Variants in SENP5 observed in about 807,000 individuals in gnomAD.
The protein encoded by SENP5 is sentrin-specific protease 5.
SENP5 carries 21 observed loss-of-function variants against 74.2 expected under a neutral mutation model. The observed-to-expected ratio is 0.28, with a 90% CI of 0.20 to 0.41. SENP5 has a LOEUF of 0.41. SENP5 is among the 10% of genes least tolerant of loss of function. The pLI, the probability that SENP5 is intolerant of heterozygous loss-of-function variation, is 1.00. For synonymous variants in SENP5, 311 were observed against 312.7 expected (o/e 0.99, Z 0.06); for missense variants, 717 against 889.1 (o/e 0.81, Z 2.46).
intron 2 of SENP5, among the ~76,000 whole-genome samples, chr3:196,893,458 CAGT>C (rs892573964): frequency 1.3e-5 from 2 of 152,154 alleles, no homozygotes; most frequent in African/African-American, 4.8e-5. Context: ...CCAAGGGAAA[CAGT>C]AGAACTAGGA....
At chr3:196,876,939 C>T (rs948125392) in intron 1 of SENP5, among the ~76,000 whole-genome samples, 3 of 151,978 alleles carry the variant, frequency 2.0e-5, no homozygotes, top group African/African-American at 4.8e-5. Flanking sequence ...AGTTATTTAC[C>T]GTATATACTT....
In SENP5 at chr3:196,885,498, C is replaced by T. The variant is rs1256155369; in HGVS notation, c.317C>T (p.Ser106Phe). ...VKRKDAKHFI[S>F]SSKTLLRLQA... ...AGAAAGGACGCTAAACACTTCATTT[C>T]CTCCTCAAAGACTCTCCTGAGACTC... Residue 106 changes from serine (S) to phenylalanine (F), a missense_variant, in exon 2 of 10, where the codon TCC becomes TTC. Ser to Phe is a radical substitution (Grantham distance 155, BLOSUM62 -2). Coordinates refer to ENST00000323460, the MANE Select transcript of SENP5 (RefSeq NM_152699.5). The T allele has an allele frequency of 6.2e-7, 1 of 1,614,080 alleles. No homozygotes were observed. Among genetic ancestry groups the T allele is most frequent in the Non-Finnish European group, 8.5e-7 (1 of 1,180,014 alleles).
intron 1 of SENP5, among the ~76,000 whole-genome samples, chr3:196,879,876 C>T (rs146718441): frequency 2.0e-5 from 3 of 152,044 alleles, no homozygotes; most frequent in East Asian, 1.9e-4. Context: ...TCAAATTTAC[C>T]GAAAAAAATT....
intron 6 of SENP5, among the ~76,000 whole-genome samples, chr3:196,910,883 C>A (rs939011563): frequency 1.3e-5 from 2 of 152,080 alleles, no homozygotes; most frequent in African/African-American, 4.8e-5. Flanking sequence ...GCATATAGAC[C>A]AATGGAACAG....
chr3:196,889,868 G>T (rs1281936596), intron 2 of SENP5, among the ~76,000 whole-genome samples: 1 of 152,156 alleles, frequency 6.6e-6, no homozygotes, highest in Non-Finnish European at 1.5e-5. Context: ...TGGTGGAAGT[G>T]GAGAGGAAAG....
chr3:196,909,659 A>G (rs899550112), intron 6 of SENP5, among the ~76,000 whole-genome samples: 1 of 152,206 alleles, frequency 6.6e-6, no homozygotes, highest in African/African-American at 2.4e-5. Flanking sequence ...AGTGACGAAA[A>G]CCACATGATT....
Position 196,885,493 on chromosome 3 carries a change from C to A in SENP5, c.312C>A (p.Phe104Leu). 1 of 1,614,162 alleles carries A rather than the reference C, an allele frequency of 6.2e-7. No individual in the cohort carries two copies. ...SKVKRKDAKH[F>L]ISSSKTLLRL... ...TGAAAAGAAAGGACGCTAAACACTT[C>A]ATTTCCTCCTCAAAGACTCTCCTGA... Residue 104 changes from phenylalanine to leucine, a missense_variant, in exon 2 of 10, where the codon TTC (phenylalanine) becomes TTA (leucine). Physicochemically the swap from Phe to Leu is conservative, Grantham distance 22 (BLOSUM62 0). Around this residue, in one of 4 missense-constraint regions of SENP5, gnomAD observed 567 missense variants for 577.4 expected, o/e 0.98. Transcript: ENST00000323460.
chr3:196,904,399 C>A (rs1714818433), intron 6 of SENP5, among the ~76,000 whole-genome samples: 1 of 152,194 alleles, frequency 6.6e-6, no homozygotes, highest in Non-Finnish European at 1.5e-5. Context: ...TGGAGTATTA[C>A]ACACATGAGA....
chr3:196,924,583 A>G (rs891905936), intron 7 of SENP5, among the ~76,000 whole-genome samples: 9 of 149,300 alleles, frequency 6.0e-5, no homozygotes, highest in South Asian at 4.2e-4. Context: ...TCAAGTGTCT[A>G]TGTAAGTGTA....
intron 6 of SENP5, chr3:196,914,582 AAAAAATATAT>A (rs1259121396): frequency 3.0e-5 from 2 of 65,926 alleles, no homozygotes; most frequent in African/African-American, 1.4e-4. Flanking sequence ...AAAAAAAAAA[AAAAAATATAT>A]ATATATATAT....
intron 3 of SENP5, 64 bp downstream of exon 3, chr3:196,899,835 C>T (rs899307307): frequency 1.3e-6 from 2 of 1,568,230 alleles, no homozygotes; most frequent in Non-Finnish European, 8.7e-7. Flanking sequence ...TGACTTTTCT[C>T]TTGATTTACA....
intron 1 of SENP5, among the ~76,000 whole-genome samples, chr3:196,870,666 C>T (rs1713174832): frequency 6.6e-6 from 1 of 151,806 alleles, no homozygotes; most frequent in Admixed American, 6.6e-5. Context: ...TACAAGCGCC[C>T]ACCACCACGC....
intron 5 of SENP5, among the ~76,000 whole-genome samples, chr3:196,902,655 GT>G (rs1714744296): frequency 6.6e-6 from 1 of 152,188 alleles, no homozygotes; most frequent in African/African-American, 2.4e-5. Flanking sequence ...TAAGGGAACA[GT>G]TTTATCACCT....
chr3:196,869,218 G>T lies in SENP5; in HGVS notation c.-32+1145G>T, dbSNP rs186683756. Among the ~76,000 whole-genome samples, 349 of 151,772 alleles carry T rather than the reference G, an allele frequency of 2.3e-3. 2 individuals are homozygous for T. Among genetic ancestry groups the T allele is most frequent in the Non-Finnish European group, 3.1e-3 (210 of 67,876 alleles). On this transcript the variant is annotated intron_variant, in intron 1 of 9. Transcript: ENST00000323460. The stretch of plus-strand genomic sequence containing the variant: ...TGGGCTCACAATTTTTTTTTGGAGG[G>T]GGGACAGGGTCTCACTCTGACACCC...
chr3:196,927,964 C>T, intron 8 of SENP5, 85 bp downstream of exon 8: 2 of 799,152 alleles, frequency 2.5e-6, no homozygotes, highest in South Asian at 1.6e-5. Flanking sequence ...CATTTGAAGA[C>T]TAGTGACAGA....
intron 6 of SENP5, among the ~76,000 whole-genome samples, chr3:196,915,899 C>T (rs1715349148): frequency 6.6e-6 from 1 of 152,180 alleles, no homozygotes. Flanking sequence ...TAGATTACAA[C>T]ACTCAATTTC....
At position 196,924,620 on chromosome 3, in the gene SENP5, G is replaced by A. The variant is rs1334603361; in HGVS notation, c.2022+1069G>A. 5.9e-5 allele frequency among the ~76,000 whole-genome samples: 3 copies of A among 50,838 alleles called. No individual in the cohort carries two copies. In the African/African-American group the frequency reaches 7.6e-4, roughly 13 times the overall value. The allele number at this position is 50,838 out of a possible 152,430, so 33.4% of individuals were successfully genotyped here. A position where few individuals can be genotyped will look rare whatever the true frequency, so the allele number is the denominator to read the frequency against. ...GGAAATAGGCATTCTCATATTTTCT[G>A]GTTAGAGTGTATAAATTGATACAGC... is the stretch of plus-strand genomic sequence containing the variant. On this transcript the variant is annotated intron_variant, in intron 7 of 9. Coordinates refer to ENST00000323460, the MANE Select transcript of SENP5 (RefSeq NM_152699.5).
chr3:196,887,204 G>A (rs1714009694), intron 2 of SENP5, among the ~76,000 whole-genome samples: 1 of 140,846 alleles, frequency 7.1e-6, no homozygotes, highest in Non-Finnish European at 1.6e-5. Context: ...TTTTTGAGAT[G>A]GAGTCTTACT....
At chr3:196,930,687 C>T in intron 9 of SENP5, 126 bp from the exon 10 acceptor site, 1 of 660,898 alleles carries the variant, frequency 1.5e-6, no homozygotes, top group East Asian at 2.6e-5. Flanking sequence ...GTAACCAGTC[C>T]CTGGTGCCAA....
Sources: gnomAD v4.1 joint callset for allele counts (sites outside exome capture counted in the v4.1 genomes callset) on GRCh38, gnomAD v4.1.1 for gene constraint, gnomAD v4.1.1 regional missense constraint, MANE v1.5 for transcripts, NCBI Gene and HGNC (gene_info 2026-07-23, HGNC 2026-07-21) for gene names.